Variants in HERC2 observed in about 807,000 individuals in gnomAD.
HERC2 encodes E3 ubiquitin-protein ligase HERC2.
Under a neutral mutation model 537.7 loss-of-function variants are expected in HERC2, and 102 were observed. The ratio of observed to expected loss-of-function variants is 0.19; its 90% CI spans 0.16 to 0.22. The LOEUF (loss-of-function observed/expected upper bound fraction) is 0.22. HERC2 is among the 10% of genes least tolerant of loss of function. The pLI, the probability that HERC2 is intolerant of heterozygous loss-of-function variation, is 1.00. For missense variants in HERC2, 4,236 were observed against 6,198.2 expected, an observed-to-expected ratio of 0.68 and a Z score of 10.63; for synonymous variants, 2,224 against 2,466.2, an observed-to-expected ratio of 0.90 and a Z score of 2.91.
chr15:28,111,617 G>T lies in HERC2; in HGVS notation c.*146C>A. The T allele has an allele frequency of 1.3e-6, 1 of 785,698 alleles. No individual in the cohort carries two copies. Among genetic ancestry groups the T allele is most frequent in the Non-Finnish European group, 2.0e-6 (1 of 496,660 alleles). The allele number at this position is 785,698 out of a possible 1,614,324, so 48.7% of individuals were successfully genotyped here. A position where few individuals can be genotyped will look rare whatever the true frequency, so the allele number is the denominator to read the frequency against. On this transcript the variant is annotated 3_prime_UTR_variant, in exon 93 of 93. Coordinates refer to ENST00000261609, the MANE Select transcript of HERC2 (RefSeq NM_004667.6). Reference sequence around the variant, plus strand: ...CCTTCTCACTGTCATTCCCATCACGGCCAGTCAGTCTCTCCACTCCCTCCT... The same window carrying T: ...CCTTCTCACTGTCATTCCCATCACGTCCAGTCAGTCTCTCCACTCCCTCCT...
chr15:28,222,460 C>T (rs1333812624), intron 35 of HERC2, among the ~76,000 whole-genome samples: 9 of 152,278 alleles, frequency 5.9e-5, no homozygotes, highest in East Asian at 5.8e-4. Flanking sequence ...TAAAGCTACT[C>T]TCTCTACTTC....
chr15:28,174,996 G>A (rs543440825), intron 64 of HERC2, among the ~76,000 whole-genome samples: 1 of 151,976 alleles, frequency 6.6e-6, no homozygotes, highest in Admixed American at 6.6e-5. Context: ...TTGCTTCTTG[G>A]CCTTATAGAA....
At chr15:28,251,121 A>G (rs2075062543) in intron 20 of HERC2, among the ~76,000 whole-genome samples, 2 of 152,190 alleles carry the variant, frequency 1.3e-5, no homozygotes, top group South Asian at 4.1e-4. Flanking sequence ...ATGGAGCTAC[A>G]GGTGCAATTC....
rs79012563 is a variant in HERC2 at position 28,266,639 on chromosome 15, C to T, written c.1599-665G>A. Among the ~76,000 whole-genome samples the T allele has an allele frequency of 2.1e-3, 317 of 152,326 alleles. 2 individuals are homozygous for T. Among genetic ancestry groups the T allele is most frequent in the Admixed American group, 5.8e-3 (89 of 15,298 alleles). Reference sequence around the variant, plus strand: ...AACCCAACATGGCTGGATCTCAAGACATCTGCTAAGTCAAAGATGCCAGAA... The same window carrying T: ...AACCCAACATGGCTGGATCTCAAGATATCTGCTAAGTCAAAGATGCCAGAA... On this transcript the variant is annotated intron_variant, in intron 12 of 92. Transcript: ENST00000261609.
chr15:28,272,676 T>C (rs1197314527), intron 8 of HERC2, among the ~76,000 whole-genome samples: 1 of 144,894 alleles, frequency 6.9e-6, no homozygotes, highest in Non-Finnish European at 1.5e-5. Flanking sequence ...TGAAGAAAAC[T>C]GAAAGAAAAA....
At chr15:28,133,101 C>T (rs921719856) in intron 79 of HERC2, among the ~76,000 whole-genome samples, 4 of 151,302 alleles carry the variant, frequency 2.6e-5, no homozygotes, top group African/African-American at 7.3e-5. Context: ...TTTTCAAAGG[C>T]CTATGAGCTG....
intron 45 of HERC2, among the ~76,000 whole-genome samples, chr15:28,204,309 T>C (rs1166404205): frequency 6.6e-6 from 1 of 152,162 alleles, no homozygotes; most frequent in Non-Finnish European, 1.5e-5. Context: ...ATCAGAAATA[T>C]GTTTTAAAAT....
At chr15:28,189,228 T>TA (rs1252971655) in intron 55 of HERC2, among the ~76,000 whole-genome samples, 3 of 152,244 alleles carry the variant, frequency 2.0e-5, no homozygotes, top group Non-Finnish European at 4.4e-5. Context: ...GTTTTCCATT[T>TA]ACCTGCAATG....
In HERC2 at chr15:28,254,597, C is replaced by G. The variant is rs1022251461; in HGVS notation, c.2872-79G>C. On this transcript the variant is annotated intron_variant, in intron 19 of 92. Transcript: ENST00000261609. ...GACACACAGGCTGGCTGAGCCCTAA[C>G]CCCAGTGCCAAGCTATCCCAGCCTC... is the stretch of plus-strand genomic sequence containing the variant. The G allele has an allele frequency of 5.4e-6, 5 of 925,630 alleles. No homozygotes were observed. The African/African-American group carries it at 6.7e-5, about 12-fold the overall frequency. The allele number at this position is 925,630 out of a possible 1,614,324, so 57.3% of individuals were successfully genotyped here. A position where few individuals can be genotyped will look rare whatever the true frequency, so the allele number is the denominator to read the frequency against.
chr15:28,215,550 C>T (rs921755549), intron 39 of HERC2, 71 bp downstream of exon 39: 3 of 1,385,318 alleles, frequency 2.2e-6, no homozygotes, highest in South Asian at 1.2e-5. Flanking sequence ...AGGCCCCTGA[C>T]TCTGAAGGCA....
At chr15:28,134,703 CT>C (rs71132835) in intron 79 of HERC2, among the ~76,000 whole-genome samples, 90,974 of 114,716 alleles carry the variant, frequency 0.79, 37,964 homozygotes, top group East Asian at 0.94. Flanking sequence ...ATTTTTTCCT[CT>C]TTTTTTTTTT....
chr15:28,214,548 C>A (rs1244771137), intron 40 of HERC2, 107 bp downstream of exon 40: 35 of 1,403,300 alleles, frequency 2.5e-5, no homozygotes, highest in Non-Finnish European at 3.3e-5. Context: ...AGTGACGGCA[C>A]TGCGCCGCTC....
At chr15:28,293,667 T>C (rs113638813) in intron 3 of HERC2, among the ~76,000 whole-genome samples, 26 of 152,328 alleles carry the variant, frequency 1.7e-4, no homozygotes, top group Non-Finnish European at 3.4e-4. Context: ...AATGCTTGTG[T>C]ATCCATGGGA....
intron 3 of HERC2, among the ~76,000 whole-genome samples, chr15:28,296,502 T>G (rs1450016205): frequency 6.6e-6 from 1 of 152,024 alleles, no homozygotes; most frequent in Non-Finnish European, 1.5e-5. Context: ...AAAATATTCA[T>G]CAAATGTAAT....
chr15:28,187,625 G>A (rs1004242006), intron 55 of HERC2, among the ~76,000 whole-genome samples: 20 of 152,114 alleles, frequency 1.3e-4, no homozygotes, highest in Admixed American at 4.6e-4. Flanking sequence ...GAGCCACCGC[G>A]CCTGGCCAGA....
chr15:28,311,693 T>C (rs887997112), intron 2 of HERC2, among the ~76,000 whole-genome samples: 12 of 151,414 alleles, frequency 7.9e-5, no homozygotes, highest in Non-Finnish European at 7.4e-5. Flanking sequence ...AATCTGGGAG[T>C]AGTCAACAAA....
intron 65 of HERC2, among the ~76,000 whole-genome samples, chr15:28,170,428 C>A (rs1465102046): frequency 2.0e-5 from 3 of 152,214 alleles, no homozygotes; most frequent in Non-Finnish European, 4.4e-5. Context: ...GACAGCCTTT[C>A]GGCATATGGT....
chr15:28,265,467 G>A lies in HERC2; in HGVS notation c.1870+151C>T, dbSNP rs929920137. On this transcript the variant is annotated intron_variant, in intron 14 of 92. Transcript: ENST00000261609. The surrounding 1 kb of genome is among the most constrained non-coding windows in gnomAD (Gnocchi z 4.0). ...AGGCAAACAAGCCCAGTAACCACCC[G>A]GGCCTCTTCCCCAATGCCACTGAGC... 15 of 630,994 alleles carry A rather than the reference G, an allele frequency of 2.4e-5. No individual in the cohort carries two copies. Among genetic ancestry groups the A allele is most frequent in the East Asian group, 1.4e-4 (5 of 36,236 alleles). The allele number at this position is 630,994 out of a possible 1,614,324, so 39.1% of individuals were successfully genotyped here.
At chr15:28,134,476 T>G (rs1174362399) in intron 79 of HERC2, among the ~76,000 whole-genome samples, 1 of 152,174 alleles carries the variant, frequency 6.6e-6, no homozygotes, top group Non-Finnish European at 1.5e-5. Context: ...TGTACCGCAC[T>G]TACTAAACCT....
Sources: gnomAD v4.1 joint callset for allele counts (sites outside exome capture counted in the v4.1 genomes callset) on GRCh38, gnomAD v4.1.1 for gene constraint, Gnocchi (gnomAD v3.1) non-coding constraint, MANE v1.5 for transcripts, NCBI Gene and HGNC (gene_info 2026-07-23, HGNC 2026-07-21) for gene names.